Variants in DYNLT1 observed in about 807,000 individuals in gnomAD.
DYNLT1 encodes T-complex testis-specific protein 1 homolog.
In DYNLT1, 18 loss-of-function variants were observed where a neutral mutation model predicts 19.6. The ratio of observed to expected loss-of-function variants is 0.92; its 90% confidence interval spans 0.64 to 1.36. DYNLT1 has a LOEUF of 1.36. Among genes scored for constraint, DYNLT1 ranks in the 40% most tolerant of loss-of-function variants. The probability of loss-of-function intolerance (pLI) is 0.00; values close to 1 mark genes in which losing one functional copy is unlikely to be tolerated. For synonymous variants in DYNLT1, 56 were observed against 44.0 expected (o/e 1.27, Z -1.07); for missense variants, 137 against 139.3 (o/e 0.98, Z 0.08).
chr6:158,640,659 C>A (rs1171603014), intron 2 of DYNLT1, among the ~76,000 whole-genome samples: 1 of 152,138 alleles, frequency 6.6e-6, no homozygotes, highest in Non-Finnish European at 1.5e-5. Flanking sequence ...CCCTGAACTC[C>A]CTGGGTGGGT....
At chr6:158,637,011 C>T (rs753781757) in intron 4 of DYNLT1, 114 bp from the exon 5 acceptor site, 1 of 1,540,990 alleles carries the variant, frequency 6.5e-7, no homozygotes, top group South Asian at 1.2e-5. Flanking sequence ...AGAACCTTGG[C>T]AAGTCTATTA....
At chr6:158,637,393 C>T in intron 3 of DYNLT1, 188 bp from the exon 4 acceptor site, 1 of 629,326 alleles carries the variant, frequency 1.6e-6, no homozygotes, top group African/African-American at 1.8e-5. Flanking sequence ...TACAACATCC[C>T]ATAAACCCAT....
rs1787098001 is a variant in DYNLT1 at position 158,639,780 on chromosome 6, A to G, written c.69+1539T>C. On this transcript the variant is annotated intron_variant, in intron 2 of 4. Transcript: ENST00000367089. ...ACTGCACCCTCCATCTCCCGGGTTC[A>G]AGCGATTCTCCTGCCTCAGCCTCCC... 2.0e-5 allele frequency among the ~76,000 whole-genome samples: 3 copies of G among 152,166 alleles called. No homozygotes were observed. The South Asian group carries it at 6.2e-4, about 31-fold the overall frequency.
intron 1 of DYNLT1, 85 bp downstream of exon 1, chr6:158,644,597 G>T: frequency 6.5e-7 from 1 of 1,545,668 alleles, no homozygotes; most frequent in Non-Finnish European, 8.8e-7. Flanking sequence ...GAGGTGGGCA[G>T]CCAGGCCTTT....
At chr6:158,637,503 G>A in intron 3 of DYNLT1, 2 of 626,176 alleles carry the variant, frequency 3.2e-6, no homozygotes, top group Non-Finnish European at 5.7e-6. Context: ...ACTGTCAGCT[G>A]GGGGCTGTCC....
intron 2 of DYNLT1, among the ~76,000 whole-genome samples, chr6:158,638,653 C>G (rs979995959): frequency 6.6e-6 from 1 of 152,010 alleles, no homozygotes. Flanking sequence ...GGGTCTTGCT[C>G]TGTTGCCCAG....
chr6:158,642,651 CTGAG>C (rs1787161724), intron 1 of DYNLT1: 1 of 152,220 alleles, frequency 6.6e-6, no homozygotes, highest in Non-Finnish European at 1.5e-5. Flanking sequence ...AACCAACTCA[CTGAG>C]TGAAGAACAA....
chr6:158,638,014 G>A (rs780340495), intron 2 of DYNLT1, 120 bp from the exon 3 acceptor site: 136 of 1,470,044 alleles, frequency 9.3e-5, no homozygotes, highest in Non-Finnish European at 1.2e-4. Context: ...AATCATGAGG[G>A]TGCCTTTGCA....
intron 3 of DYNLT1, 178 bp downstream of exon 3, chr6:158,637,593 A>AT: frequency 1.1e-6 from 1 of 911,966 alleles, no homozygotes. Flanking sequence ...ACGATCTGCA[A>AT]TTGTACCAGC....
intron 1 of DYNLT1, chr6:158,642,241 C>G (rs779491122): frequency 3.9e-5 from 6 of 152,148 alleles, no homozygotes; most frequent in Non-Finnish European, 5.9e-5. Flanking sequence ...GTCTGGATGA[C>G]TCAGGAGGTG....
In DYNLT1 at chr6:158,644,592, G is replaced by T. The variant is rs1330782558; in HGVS notation, c.27+90C>A. 6.0e-6 allele frequency: 9 copies of T among 1,498,072 alleles called. 1 individual carries two copies. In the Admixed American group the frequency reaches 1.4e-4, roughly 23 times the overall value. The allele number at this position is 1,498,072 out of a possible 1,614,324, so 92.8% of individuals were successfully genotyped here. ...CGAGACTGGCCTAGCTGAAGGAGGT[G>T]GGCAGCCAGGCCTTTCCGGGCAGGA... On this transcript the variant is annotated intron_variant, in intron 1 of 4. Coordinates refer to ENST00000367089, the MANE Select transcript of DYNLT1 (RefSeq NM_006519.4).
chr6:158,636,637 G>T lies in DYNLT1; in HGVS notation c.*190C>A. On this transcript the variant is annotated 3_prime_UTR_variant, in exon 5 of 5. Transcript: ENST00000367089. ...AAGACAAGTGGCAACGCAGGCTGCAGGTGACCTACAGGGATACTCATCTGA... is the reference window on the plus strand; with the variant it reads ...AAGACAAGTGGCAACGCAGGCTGCATGTGACCTACAGGGATACTCATCTGA... 1.7e-6 allele frequency: 1 copy of T among 575,228 alleles called. No individual in the cohort carries two copies. The highest frequency in any genetic ancestry group is 3.1e-6 in the Non-Finnish European group (1 of 327,596). The allele number at this position is 575,228 out of a possible 1,614,324, so 35.6% of individuals were successfully genotyped here. A position where few individuals can be genotyped will look rare whatever the true frequency, so the allele number is the denominator to read the frequency against.
In DYNLT1 at chr6:158,636,825, G is replaced by C; in HGVS notation, c.*2C>G. 1 of 1,609,992 alleles carries C rather than the reference G, an allele frequency of 6.2e-7. No homozygotes were observed. Among genetic ancestry groups the C allele is most frequent in the Non-Finnish European group, 8.5e-7 (1 of 1,178,300 alleles). ...GAGAAAGGCCATAGGCTGGACTGCAGGTCAAATAGACAGTCCGAAGGCACT... is the reference window on the plus strand; with the variant it reads ...GAGAAAGGCCATAGGCTGGACTGCACGTCAAATAGACAGTCCGAAGGCACT... On this transcript the variant is annotated 3_prime_UTR_variant, in exon 5 of 5. Transcript: ENST00000367089.
intron 2 of DYNLT1, among the ~76,000 whole-genome samples, chr6:158,639,293 A>G (rs1240541510): frequency 1.3e-5 from 2 of 152,148 alleles, no homozygotes; most frequent in Non-Finnish European, 2.9e-5. Flanking sequence ...GCTCCCTCCC[A>G]GCTCAGAGGC....
rs1470674860 is a variant in DYNLT1, at chr6:158,643,372, G to C, written c.27+1310C>G. On this transcript the variant is annotated intron_variant, in intron 1 of 4. Coordinates refer to ENST00000367089, the MANE Select transcript of DYNLT1 (RefSeq NM_006519.4). ...AAACACTGATTATGCCACTGTCACA[G>C]GAAGTGTGTGCTAGTTAGGAAATCA... 2.6e-5 allele frequency among the ~76,000 whole-genome samples: 4 copies of C among 152,328 alleles called. No homozygotes were observed. In the East Asian group the frequency reaches 5.8e-4, roughly 22 times the overall value.
chr6:158,642,299 C>T (rs920376973), intron 1 of DYNLT1: 1 of 152,246 alleles, frequency 6.6e-6, no homozygotes, highest in Non-Finnish European at 1.5e-5. Context: ...TCCTTTTACA[C>T]ATGGTAGATC....
At position 158,644,738 on chromosome 6, in the gene DYNLT1, C is replaced by G. The variant is rs370746763; in HGVS notation, c.-30G>C. On this transcript the variant is annotated 5_prime_UTR_variant, in exon 1 of 5. Coordinates refer to ENST00000367089, the MANE Select transcript of DYNLT1 (RefSeq NM_006519.4). The stretch of plus-strand genomic sequence containing the variant: ...CCTCCGGCGCGTCCCCTCCGGCTCC[C>G]TGAGTGGCGCGGACTGCGCAGGCGC... 5.1e-5 allele frequency: 82 copies of G among 1,608,372 alleles called. No individual in the cohort carries two copies. In the African/African-American group the frequency reaches 1.0e-3, roughly 20 times the overall value.
In DYNLT1 at chr6:158,636,673, A is replaced by C. The variant is rs948040788; in HGVS notation, c.*154T>G. 1 of 797,748 alleles carries C rather than the reference A, an allele frequency of 1.3e-6. No individual in the cohort carries two copies. The highest frequency in any genetic ancestry group is 1.8e-5 in the South Asian group (1 of 56,982). 49.4% of individuals were successfully genotyped at this position (797,748 alleles called of 1,614,324 possible). On this transcript the variant is annotated 3_prime_UTR_variant, in exon 5 of 5. Transcript: ENST00000367089. ...GGGATACTCATCTGACTTCGGTGCC[A>C]TTCACATCACAGTGCGGTCATTTGG...
chr6:158,639,027 C>T (rs951046535), intron 2 of DYNLT1, among the ~76,000 whole-genome samples: 1 of 152,168 alleles, frequency 6.6e-6, no homozygotes, highest in East Asian at 1.9e-4. Flanking sequence ...GTGAAAATAA[C>T]AACATTCAGT....
Sources: gnomAD v4.1 joint callset for allele counts (sites outside exome capture counted in the v4.1 genomes callset) on GRCh38, gnomAD v4.1.1 for gene constraint, MANE v1.5 for transcripts, NCBI Gene and HGNC (gene_info 2026-07-23, HGNC 2026-07-21) for gene names.